Variants in SLC1A7 observed in about 807,000 individuals in gnomAD.
The protein encoded by SLC1A7 is solute carrier family 1 member 7, also known as excitatory amino acid transporter 5.
In SLC1A7, 40 loss-of-function variants were observed where a neutral mutation model predicts 47.7. The ratio of observed to expected loss-of-function variants is 0.84; its 90% CI spans 0.65 to 1.09. The LOEUF is 1.09. SLC1A7 is among the 50% of genes least tolerant of loss of function. The probability of loss-of-function intolerance (pLI) is 0.00; values close to 1 mark genes in which losing one functional copy is unlikely to be tolerated. For missense variants in SLC1A7, 746 were observed against 769.5 expected (o/e 0.97, Z 0.36); for synonymous variants, 323 against 325.6 (o/e 0.99, Z 0.09).
intron 2 of SLC1A7, among the ~76,000 whole-genome samples, chr1:53,117,227 G>A (rs192477345): frequency 2.0e-5 from 3 of 152,294 alleles, no homozygotes; most frequent in Admixed American, 1.3e-4. Context: ...CGTGCTGTTC[G>A]ATGTGGCCCG....
At chr1:53,112,028 T>C (rs1359921739) in intron 3 of SLC1A7, among the ~76,000 whole-genome samples, 2 of 152,222 alleles carry the variant, frequency 1.3e-5, no homozygotes, top group Non-Finnish European at 2.9e-5. Flanking sequence ...ACTGATTGCA[T>C]CGATGGCCTC....
intron 2 of SLC1A7, among the ~76,000 whole-genome samples, chr1:53,124,131 TTCC>T (rs1644854408): frequency 6.6e-6 from 1 of 152,172 alleles, no homozygotes; most frequent in African/African-American, 2.4e-5. Flanking sequence ...CACACTAGAG[TTCC>T]TCAGGAAGGG....
At chr1:53,104,545 A>G (rs1432240230) in intron 4 of SLC1A7, among the ~76,000 whole-genome samples, 3 of 152,242 alleles carry the variant, frequency 2.0e-5, no homozygotes, top group Admixed American at 2.0e-4. Flanking sequence ...AGAGTTACAG[A>G]GTAGAGCAAC....
At chr1:53,115,477 G>A (rs765570053) in intron 2 of SLC1A7, 188 of 171,900 alleles carry the variant, frequency 1.1e-3, no homozygotes, top group Non-Finnish European at 1.8e-3. Context: ...TCAGGACGCT[G>A]CCTGTCTGTT....
At chr1:53,116,975 C>T (rs1314788926) in intron 2 of SLC1A7, among the ~76,000 whole-genome samples, 1 of 152,240 alleles carries the variant, frequency 6.6e-6, no homozygotes, top group East Asian at 1.9e-4. Flanking sequence ...GCCACAAGTG[C>T]ACTCAAATGG....
At chr1:53,114,168 C>T (rs911622904) in intron 3 of SLC1A7, among the ~76,000 whole-genome samples, 1 of 152,092 alleles carries the variant, frequency 6.6e-6, no homozygotes, top group Non-Finnish European at 1.5e-5. Context: ...GCAGGGGACC[C>T]GGGGAAAGGG....
At chr1:53,088,818 C>A in intron 10 of SLC1A7, 59 bp downstream of exon 10, 1 of 1,354,786 alleles carries the variant, frequency 7.4e-7, no homozygotes, top group South Asian at 1.2e-5. Flanking sequence ...AGATCTGGTG[C>A]CCTGCCCACC....
intron 1 of SLC1A7, among the ~76,000 whole-genome samples, chr1:53,137,539 TA>T (rs1645014426): frequency 6.6e-6 from 1 of 152,202 alleles, no homozygotes; most frequent in Non-Finnish European, 1.5e-5. Flanking sequence ...GCATTATATT[TA>T]TATCAATTTT....
rs1644401580 is a variant in SLC1A7 at position 53,089,941 on chromosome 1, G to T, written c.1227-7C>A. The T allele has an allele frequency of 1.2e-6, 2 of 1,612,808 alleles. No individual in the cohort carries two copies. Among genetic ancestry groups the T allele is most frequent in the Non-Finnish European group, 1.7e-6 (2 of 1,179,636 alleles). ...GGCTGCAGTGGCTGTGATACTGCAG[G>T]GGGTGGGAAGGGGAAGAGGAGCAGC... On this transcript the variant is annotated splice_polypyrimidine_tract_variant and splice_region_variant and intron_variant, in intron 8 of 10. Transcript: ENST00000371494.
chr1:53,092,816 G>GA, intron 6 of SLC1A7, 29 bp from the exon 7 acceptor site: 1 of 1,472,332 alleles, frequency 6.8e-7, no homozygotes, highest in Non-Finnish European at 9.5e-7. Flanking sequence ...CCAGGCTCAG[G>GA]AACCAGGCAG....
chr1:53,090,218 G>A, intron 8 of SLC1A7: 1 of 569,068 alleles, frequency 1.8e-6, no homozygotes, highest in Non-Finnish European at 3.1e-6. Flanking sequence ...ATATTGCTAT[G>A]GGGCTGCCCA....
At chr1:53,137,299 A>AAAAAAAAAAAAAAAAAAAAG (rs71044460) in intron 1 of SLC1A7, among the ~76,000 whole-genome samples, 6 of 139,694 alleles carry the variant, frequency 4.3e-5, no homozygotes, top group Admixed American at 1.5e-4. Context: ...AAAAAAAAAA[A>AAAAAAAAAAAAAAAAAAAAG]GTGCTCTACT....
intron 2 of SLC1A7, among the ~76,000 whole-genome samples, chr1:53,117,558 C>T (rs1644774898): frequency 6.6e-6 from 1 of 152,176 alleles, no homozygotes; most frequent in Admixed American, 6.6e-5. Flanking sequence ...GTTCCTAAAT[C>T]AATGCTAAGT....
chr1:53,127,198 G>A (rs1309568317), intron 2 of SLC1A7, among the ~76,000 whole-genome samples: 5 of 152,192 alleles, frequency 3.3e-5, no homozygotes, highest in East Asian at 3.9e-4. Context: ...CTCTGCTGCC[G>A]CTGCCCTCTG....
chr1:53,108,472 G>C (rs1463125029), intron 3 of SLC1A7: 3 of 674,430 alleles, frequency 4.4e-6, no homozygotes, highest in Non-Finnish European at 8.2e-6. Context: ...TTATGTTGTG[G>C]GGACCAAATG....
chr1:53,089,745 G>T, intron 9 of SLC1A7, 55 bp downstream of exon 9: 2 of 1,593,506 alleles, frequency 1.3e-6, no homozygotes, highest in South Asian at 2.3e-5. Context: ...GATCCCTGCT[G>T]ACCCTGAAGT....
At chr1:53,095,888 T>TCC (rs1644482382) in intron 5 of SLC1A7, among the ~76,000 whole-genome samples, 1 of 93,042 alleles carries the variant, frequency 1.1e-5, no homozygotes, top group African/African-American at 4.6e-5. Flanking sequence ...TACATTCACA[T>TCC]CGCCTCGGTA....
intron 2 of SLC1A7, among the ~76,000 whole-genome samples, chr1:53,131,915 G>A (rs1644945245): frequency 6.6e-6 from 1 of 152,238 alleles, no homozygotes; most frequent in Admixed American, 6.5e-5. Flanking sequence ...TGGCATGAAG[G>A]GGTTGGTGGG....
intron 2 of SLC1A7, among the ~76,000 whole-genome samples, chr1:53,120,657 G>T (rs142539617): frequency 6.6e-6 from 1 of 152,324 alleles, no homozygotes; most frequent in East Asian, 1.9e-4. Context: ...TTCCCTGACT[G>T]CAGCCATCTC....
Sources: allele counts gnomAD v4.1 joint callset (sites outside exome capture counted in the v4.1 genomes callset), GRCh38; gene constraint gnomAD v4.1.1; transcripts MANE v1.5; gene names NCBI Gene and HGNC (gene_info 2026-07-23, HGNC 2026-07-21).